POM121: variants seen among roughly 807,000 people sequenced by gnomAD.
The protein encoded by POM121 is POM121 transmembrane nucleoporin.
A neutral mutation model predicts 81.3 loss-of-function variants in POM121; 32 were observed. The ratio of observed to expected loss-of-function variants is 0.39; its 90% CI spans 0.30 to 0.53. POM121 has a LOEUF of 0.53. Among genes scored for constraint, POM121 ranks in the 20% least tolerant of loss-of-function variants. The pLI, the probability that POM121 is intolerant of heterozygous loss-of-function variation, is 0.66. For missense variants in POM121, 1,138 were observed against 1,614.6 expected, an observed-to-expected ratio of 0.70 and a Z score of 5.06; for synonymous variants, 514 against 694.2, an observed-to-expected ratio of 0.74 and a Z score of 4.08.
intron 1 of POM121, among the ~76,000 whole-genome samples, chr7:72,880,971 A>C (rs1563127719): frequency 9.6e-6 from 1 of 104,390 alleles, no homozygotes; most frequent in Non-Finnish European, 2.2e-5. Context: ...ATGGCAGACT[A>C]TTTGTAAAAG....
In POM121 at chr7:72,925,162, G is replaced by C; in HGVS notation, c.41G>C (p.Arg14Pro). 1 of 1,485,186 alleles carries C rather than the reference G, an allele frequency of 6.7e-7. No individual in the cohort carries two copies. The highest frequency in any genetic ancestry group is 8.9e-7 in the Non-Finnish European group (1 of 1,127,168). 92.0% of individuals were successfully genotyped at this position (1,485,186 alleles called of 1,614,324 possible). ...GCGGCGGCTGGAGCAGGCGAGCGGC[G>C]GCGGCCCATAGCGAGTGTCAGGGAC... ...AAAAAGAGER[R>P]RPIASVRDGR... The change falls in exon 1 of 13, where the codon CGG becomes CCG. Residue 14 changes from arginine (R) to proline (P), a missense_variant. Transcript: ENST00000434423.
At chr7:72,927,252 T>A in intron 3 of POM121, among the ~76,000 whole-genome samples, 1 of 152,260 alleles carries the variant, frequency 6.6e-6, no homozygotes, top group East Asian at 1.9e-4. Context: ...TAAAGTTTAT[T>A]TTCAAGAAAG....
chr7:72,939,192 A>C, intron 6 of POM121, 144 bp from the exon 7 acceptor site: 1 of 1,231,594 alleles, frequency 8.1e-7, no homozygotes, highest in South Asian at 1.6e-5. Context: ...TTTCCTGTTG[A>C]CTTTTTTTAT....
At chr7:72,913,890 G>A (rs1300653070) in intron 4 of POM121, 1 of 152,154 alleles carries the variant, frequency 6.6e-6, no homozygotes, top group Non-Finnish European at 1.5e-5. Context: ...TTTTCTGCAG[G>A]TGGCCACAGC....
chr7:72,897,270 G>C (rs1792061609), intron 3 of POM121, among the ~76,000 whole-genome samples: 1 of 152,180 alleles, frequency 6.6e-6, no homozygotes, highest in Admixed American at 6.5e-5. Flanking sequence ...GGTTGAGAAA[G>C]GCCTCACTGA....
At position 72,928,914 on chromosome 7, in the gene POM121, G is replaced by A. The variant is rs554144952; in HGVS notation, c.1103+449G>A. ...TCTGAGTCAGCAGTGTGATGTGGCC[G>A]CCAGGAAAGCTAAAGTGCTCCTGGT... On this transcript the variant is annotated intron_variant, in intron 4 of 12. Coordinates refer to ENST00000434423, the MANE Select transcript of POM121 (RefSeq NM_001387691.1). Among the ~76,000 whole-genome samples the A allele has an allele frequency of 5.9e-5, 9 of 152,316 alleles. No individual in the cohort carries two copies. The South Asian group carries it at 8.3e-4, about 14-fold the overall frequency.
chr7:72,920,009 G>T (rs1554495715), intron 4 of POM121, among the ~76,000 whole-genome samples: 1 of 152,128 alleles, frequency 6.6e-6, no homozygotes, highest in African/African-American at 2.4e-5. Context: ...TTGATTATGT[G>T]ACTTGTTACA....
Position 72,948,184 on chromosome 7 carries a change from C to G in POM121, c.*1950C>G. 7.0e-7 allele frequency: 1 copy of G among 1,438,250 alleles called. No individual in the cohort carries two copies. The allele number at this position is 1,438,250 out of a possible 1,614,324, so 89.1% of individuals were successfully genotyped here. A position where few individuals can be genotyped will look rare whatever the true frequency, so the allele number is the denominator to read the frequency against. ...ACTGGACGGCAGCGGGAGGCTGGGA[C>G]TTTCCATTACAAATAGAGACTTCAT... On this transcript the variant is annotated 3_prime_UTR_variant, in exon 13 of 13. Transcript: ENST00000434423.
intron 3 of POM121, among the ~76,000 whole-genome samples, chr7:72,893,369 G>A (rs1563134640): frequency 6.6e-6 from 1 of 151,872 alleles, no homozygotes; most frequent in African/African-American, 2.4e-5. Flanking sequence ...GGATCACGAG[G>A]TCAGGAGATC....
At chr7:72,948,453 C>T (rs9955), downstream of POM121, 212,651 of 1,613,292 alleles carry the variant, frequency 0.13, 16,346 homozygotes, top group East Asian at 0.3. Context: ...ATCTTCCTTT[C>T]CCACCAGGAA....
intron 3 of POM121, among the ~76,000 whole-genome samples, chr7:72,912,530 A>G (rs1793901244): frequency 6.6e-6 from 1 of 152,056 alleles, no homozygotes; most frequent in Non-Finnish European, 1.5e-5. Context: ...TAATCCTAGC[A>G]CTTTGGGAGG....
intron 5 of POM121, among the ~76,000 whole-genome samples, chr7:72,935,035 A>G (rs1456393648): frequency 1.3e-5 from 2 of 150,118 alleles, no homozygotes; most frequent in African/African-American, 2.5e-5. Context: ...CAACTTGTCA[A>G]TTTCCACAAA....
chr7:72,893,012 G>A (rs1395271772), intron 3 of POM121, among the ~76,000 whole-genome samples: 2 of 151,994 alleles, frequency 1.3e-5, no homozygotes, highest in African/African-American at 4.8e-5. Context: ...AGGCTGGAGT[G>A]CAGTGGCACA....
exon 1 of POM121, chr7:72,879,456 G>T (rs1216535896): frequency 9.5e-6 from 2 of 211,122 alleles, no homozygotes; most frequent in Admixed American, 6.4e-5. Flanking sequence ...GGGGCTGGAC[G>T]CTGACCGCCC....
intron 3 of POM121, among the ~76,000 whole-genome samples, chr7:72,909,987 G>T (rs1438609984): frequency 1.3e-5 from 2 of 152,172 alleles, no homozygotes; most frequent in Non-Finnish European, 2.9e-5. Flanking sequence ...CCACATTGCC[G>T]TTGAGCTCTC....
At chr7:72,925,878 G>C in intron 1 of POM121, 113 bp downstream of exon 1, 1 of 1,236,244 alleles carries the variant, frequency 8.1e-7, no homozygotes, top group South Asian at 2.2e-5. Flanking sequence ...GATTGTGTGT[G>C]GTTTTGCCCT....
intron 3 of POM121, among the ~76,000 whole-genome samples, chr7:72,910,902 A>G (rs1321906612): frequency 2.0e-4 from 31 of 152,168 alleles, no homozygotes; most frequent in African/African-American, 6.3e-4. Flanking sequence ...AAACCACCCC[A>G]GGAACTCACC....
intron 3 of POM121, among the ~76,000 whole-genome samples, chr7:72,927,743 C>G (rs1554497834): frequency 2.0e-5 from 3 of 151,928 alleles, no homozygotes; most frequent in African/African-American, 7.2e-5. Context: ...ATAGAATAAG[C>G]TAATGAAAAT....
At chr7:72,945,349 G>T (rs1248508443) in intron 11 of POM121, among the ~76,000 whole-genome samples, 1 of 151,728 alleles carries the variant, frequency 6.6e-6, no homozygotes, top group Admixed American at 6.6e-5. Context: ...GCGGGGCAGG[G>T]GGGCTTTTTC....
Sources: gnomAD v4.1 joint callset for allele counts (sites outside exome capture counted in the v4.1 genomes callset) on GRCh38, gnomAD v4.1.1 for gene constraint, MANE v1.5 for transcripts, NCBI Gene and HGNC (gene_info 2026-07-23, HGNC 2026-07-21) for gene names.